DMD: variants seen among roughly 807,000 people sequenced by gnomAD.
DMD encodes the protein mutant dystrophin.
A neutral mutation model predicts 330.1 loss-of-function variants in DMD; 63 were observed. The observed-to-expected ratio is 0.19, with a 90% confidence interval of 0.16 to 0.24. The LOEUF (loss-of-function observed/expected upper bound fraction) is 0.24, where lower values mean the gene tolerates loss of function less well. Ranked by LOEUF, DMD falls within the 10% of genes least tolerant of loss-of-function variation. The probability of loss-of-function intolerance (pLI) is 1.00; values close to 1 mark genes in which losing one functional copy is unlikely to be tolerated. For synonymous variants in DMD, 1,223 were observed against 959.8 expected, an observed-to-expected ratio of 1.27 and a Z score of -5.07; for missense variants, 3,344 against 2,684.1, an observed-to-expected ratio of 1.25 and a Z score of -5.43.
chrX:31,873,158 C>G (rs2093918066), intron 48 of DMD, among the ~76,000 whole-genome samples: 1 of 111,308 alleles, frequency 9.0e-6, no homozygotes, highest in Admixed American at 9.6e-5. Flanking sequence ...TATTATGTCT[C>G]GTAAATTTAA....
chrX:33,057,262 C>T (rs771314171), intron 1 of DMD, among the ~76,000 whole-genome samples: 14 of 111,293 alleles, frequency 1.3e-4, no homozygotes, highest in Non-Finnish European at 2.6e-4. Context: ...TCTTCAGTGC[C>T]TGTCCATCTT....
chrX:31,770,544 T>C (rs1367435301), intron 51 of DMD, among the ~76,000 whole-genome samples: 1 of 112,283 alleles, frequency 8.9e-6, no homozygotes, highest in Non-Finnish European at 1.9e-5. Context: ...CATTCTTTAA[T>C]GCCTGGCTTA....
At chrX:31,430,793 C>CTTTTTTTTTTTTTTTTTTTTTTT (rs565087970) in intron 60 of DMD, among the ~76,000 whole-genome samples, 1 of 48,336 alleles carries the variant, frequency 2.1e-5, no homozygotes, top group African/African-American at 9.4e-5. Context: ...AAGTTAAGGT[C>CTTTTTTTTTTTTTTTTTTTTTTT]TTTTTTTTTT....
chrX:31,470,105 T>C (rs764014833), intron 59 of DMD, among the ~76,000 whole-genome samples: 1 of 111,126 alleles, frequency 9.0e-6, no homozygotes, highest in South Asian at 3.9e-4. Flanking sequence ...CTTCCTTGCA[T>C]TGGGTTAGAA....
chrX:31,650,817 G>C (rs2080409461), intron 54 of DMD, among the ~76,000 whole-genome samples: 1 of 111,814 alleles, frequency 8.9e-6, no homozygotes, highest in Non-Finnish European at 1.9e-5. Flanking sequence ...CAAGTCTCAG[G>C]AGGGTAAAAA....
intron 19 of DMD, among the ~76,000 whole-genome samples, chrX:32,495,115 A>T (rs914064111): frequency 1.9e-4 from 21 of 112,507 alleles, no homozygotes; most frequent in African/African-American, 6.5e-4. Flanking sequence ...ACTAGAAAAG[A>T]CATAATGTTG....
rs559287506 is a variant in DMD at position 33,322,202 on chromosome X, A to T, written c.7+17057T>A. 9.0e-5 allele frequency among the ~76,000 whole-genome samples: 10 copies of T among 111,310 alleles called. No individual in the cohort carries two copies. In the East Asian group the frequency reaches 2.8e-3, roughly 32 times the overall value. ...TGCAAGACGCCTAGATTTCAGCCTA[A>T]CTCAGCTTTTGACATGCCCTCCTCA... On this transcript the variant is annotated intron_variant, in intron 1 of 17. Coordinates refer to the DMD transcript ENST00000288447.
intron 7 of DMD, among the ~76,000 whole-genome samples, chrX:32,713,800 G>A (rs1013955483): frequency 2.7e-5 from 3 of 111,324 alleles, no homozygotes; most frequent in African/African-American, 9.8e-5. Context: ...GATGCTCCTC[G>A]ACTTATGACA....
chrX:31,395,244 C>A (rs1190674148), intron 60 of DMD, among the ~76,000 whole-genome samples: 1 of 112,186 alleles, frequency 8.9e-6, no homozygotes, highest in African/African-American at 3.2e-5. Flanking sequence ...CTTAGTATTT[C>A]AAAGACAACA....
At chrX:32,698,886 A>G (rs2063858989) in intron 8 of DMD, among the ~76,000 whole-genome samples, 1 of 111,269 alleles carries the variant, frequency 9.0e-6, no homozygotes, top group African/African-American at 3.3e-5. Flanking sequence ...ATGATATGGT[A>G]CATATGAATA....
At chrX:32,522,033 A>C (rs900467746) in intron 17 of DMD, among the ~76,000 whole-genome samples, 4 of 111,931 alleles carry the variant, frequency 3.6e-5, no homozygotes, top group Admixed American at 1.9e-4. Flanking sequence ...TAGTTACTTG[A>C]TATTAAACTT....
intron 22 of DMD, 53 bp from the exon 23 acceptor site, chrX:32,468,763 T>A: frequency 1.0e-6 from 1 of 980,919 alleles, no homozygotes; most frequent in African/African-American, 1.9e-5. Context: ...TAATAATTGA[T>A]GAGTTTTAGT....
At chrX:33,332,300 G>A (rs1001601476) in intron 1 of DMD, among the ~76,000 whole-genome samples, 1 of 111,868 alleles carries the variant, frequency 8.9e-6, no homozygotes, top group African/African-American at 3.2e-5. Flanking sequence ...CTTATAAAAT[G>A]ACATTTGAGA....
chrX:32,722,834 G>T (rs1488748124), intron 7 of DMD, among the ~76,000 whole-genome samples: 5 of 110,785 alleles, frequency 4.5e-5, no homozygotes, highest in African/African-American at 1.6e-4. Flanking sequence ...TTCTTGTGGA[G>T]TCCTTAGGGG....
At position 32,312,942 on chromosome X, in the gene DMD, C is replaced by CAAAAAAAAAAAAAAAAAAAAAAAAAAAAA. The variant is rs767993498; in HGVS notation, c.5923-2667_5923-2666insTTTTTTTTTTTTTTTTTTTTTTTTTTTTT. On this transcript the variant is annotated intron_variant, in intron 41 of 78. Transcript: ENST00000357033. ...ATTGAGGCAGTAATAGCCTACGAAC[C>CAAAAAAAAAAAAAAAAAAAAAAAAAAAAA]AAAAAAAAAAAAAAAAAAAAAAGCC... Among the ~76,000 whole-genome samples, 30 of 20,404 alleles carry CAAAAAAAAAAAAAAAAAAAAAAAAAAAAA rather than the reference C, an allele frequency of 1.5e-3. 9 individuals carry two copies. The East Asian group carries it at 0.015, about 10-fold the overall frequency. The allele number at this position is 20,404 out of a possible 115,157, so 17.7% of individuals were successfully genotyped here.
chrX:31,833,295 AGAGAGGGAGAGAGG>A (rs1569464452), intron 49 of DMD, among the ~76,000 whole-genome samples: 739 of 35,449 alleles, frequency 0.021, 75 homozygotes, highest in African/African-American at 0.083. Flanking sequence ...AGAGAGAGGG[AGAGAGGGAGAGAGG>A]GAGAGAGGGA....
At chrX:33,258,400 C>A (rs2052894470) in intron 1 of DMD, among the ~76,000 whole-genome samples, 2 of 111,251 alleles carry the variant, frequency 1.8e-5, no homozygotes, top group South Asian at 7.3e-4. Context: ...GCACTGAAAG[C>A]TAATCATCAG....
chrX:31,235,485 G>A (rs1251676410), intron 63 of DMD, among the ~76,000 whole-genome samples: 6 of 112,181 alleles, frequency 5.3e-5, no homozygotes, highest in Non-Finnish European at 5.6e-5. Context: ...TCTTATACTT[G>A]AGGGAAAAAA....
intron 59 of DMD, among the ~76,000 whole-genome samples, chrX:31,461,996 A>C (rs180966120): frequency 8.7e-4 from 97 of 111,825 alleles, no homozygotes; most frequent in African/African-American, 3.1e-3. Context: ...GCAGAGCCCA[A>C]GAGCCAATTG....
Sources: gnomAD v4.1 joint callset for allele counts (sites outside exome capture counted in the v4.1 genomes callset) on GRCh38, gnomAD v4.1.1 for gene constraint, MANE v1.5 for transcripts, NCBI Gene and HGNC (gene_info 2026-07-23, HGNC 2026-07-21) for gene names.